The following PARP8 variants were observed in gnomAD, a reference collection of about 807,000 sequenced individuals.
PARP8 encodes the protein protein mono-ADP-ribosyltransferase PARP8.
In PARP8, 51 loss-of-function variants were observed where a neutral mutation model predicts 124.1. The ratio of observed to expected loss-of-function variants is 0.41; its 90% CI spans 0.33 to 0.52. PARP8 has a LOEUF of 0.52. Ranked by LOEUF, PARP8 falls within the 20% of genes least tolerant of loss-of-function variation. The pLI is 0.21. For missense variants in PARP8, 860 were observed against 1,018.9 expected, an observed-to-expected ratio of 0.84 and a Z score of 2.12; for synonymous variants, 391 against 361.5, an observed-to-expected ratio of 1.08 and a Z score of -0.93.
intron 25 of PARP8, among the ~76,000 whole-genome samples, chr5:50,836,180 A>G (rs1475032156): frequency 1.3e-5 from 2 of 152,184 alleles, no homozygotes; most frequent in African/African-American, 4.8e-5. Context: ...TGCTGACTAT[A>G]GATTTCTTTC....
At chr5:50,735,809 G>T (rs1225055803) in intron 2 of PARP8, among the ~76,000 whole-genome samples, 1 of 151,862 alleles carries the variant, frequency 6.6e-6, no homozygotes, top group African/African-American at 2.4e-5. Context: ...TTAAGTGGGG[G>T]TTGGTATAGG....
chr5:50,808,634 C>T (rs1244305084), intron 14 of PARP8, among the ~76,000 whole-genome samples: 2 of 151,908 alleles, frequency 1.3e-5, no homozygotes, highest in Non-Finnish European at 2.9e-5. Flanking sequence ...GGCTATGACA[C>T]GGAGCTGTGA....
chr5:50,703,017 T>C (rs905772701), intron 2 of PARP8, among the ~76,000 whole-genome samples: 3 of 152,064 alleles, frequency 2.0e-5, no homozygotes, highest in African/African-American at 4.8e-5. Context: ...AAAAGTGTTA[T>C]AGGCCAGGTG....
intron 14 of PARP8, among the ~76,000 whole-genome samples, chr5:50,809,603 G>T (rs548683551): frequency 6.6e-6 from 1 of 151,876 alleles, no homozygotes; most frequent in East Asian, 1.9e-4. Flanking sequence ...TATCTCACTT[G>T]GTATTTTTAT....
At chr5:50,764,289 T>C (rs889731746) in intron 7 of PARP8, among the ~76,000 whole-genome samples, 2 of 152,238 alleles carry the variant, frequency 1.3e-5, no homozygotes, top group African/African-American at 2.4e-5. Flanking sequence ...TAATTCTTCA[T>C]GTATTCTGGT....
At chr5:50,791,898 T>G (rs557239125) in intron 10 of PARP8, among the ~76,000 whole-genome samples, 109 of 152,306 alleles carry the variant, frequency 7.2e-4, no homozygotes, top group African/African-American at 2.6e-3. Flanking sequence ...GAAATTCAAA[T>G]TAATACCATT....
At chr5:50,710,446 G>T (rs911417428) in intron 2 of PARP8, among the ~76,000 whole-genome samples, 1 of 152,008 alleles carries the variant, frequency 6.6e-6, no homozygotes, top group Non-Finnish European at 1.5e-5. Context: ...GTAGTCACAT[G>T]CTTCATGCTT....
At chr5:50,742,088 G>T (rs1758108147) in intron 2 of PARP8, 1 of 240,074 alleles carries the variant, frequency 4.2e-6, no homozygotes, top group Non-Finnish European at 8.4e-6. Context: ...GGGATTACAG[G>T]CGTGAGCCAC....
rs896138989 is a variant in PARP8, at chr5:50,844,987, G to A, written c.*2919G>A. On this transcript the variant is annotated 3_prime_UTR_variant, in exon 26 of 26. Coordinates refer to ENST00000281631, the MANE Select transcript of PARP8 (RefSeq NM_024615.4). ...TCAGTCATACGTTTGGTTTGAAGCT[G>A]TTTTTTTTTTTAATTTGAAGTTTAA... is the stretch of plus-strand genomic sequence containing the variant. 6.9e-6 allele frequency: 1 copy of A among 144,182 alleles called. No homozygotes were observed. Among genetic ancestry groups the A allele is most frequent in the Admixed American group, 7.0e-5 (1 of 14,346 alleles). The allele number at this position is 144,182 out of a possible 1,614,324, so 8.9% of individuals were successfully genotyped here. A position where few individuals can be genotyped will look rare whatever the true frequency, so the allele number is the denominator to read the frequency against.
intron 14 of PARP8, among the ~76,000 whole-genome samples, chr5:50,809,633 T>G (rs1744219911): frequency 6.6e-6 from 1 of 152,088 alleles, no homozygotes; most frequent in Non-Finnish European, 1.5e-5. Context: ...AGCTAGATAT[T>G]ATTTTTATTC....
intron 2 of PARP8, among the ~76,000 whole-genome samples, chr5:50,734,992 T>C (rs1461204362): frequency 6.6e-6 from 1 of 152,134 alleles, no homozygotes; most frequent in Admixed American, 6.5e-5. Flanking sequence ...TATATAGTTA[T>C]AATATCTAGT....
chr5:50,678,679 A>G (rs546573333), intron 2 of PARP8, among the ~76,000 whole-genome samples: 15 of 152,194 alleles, frequency 9.9e-5, no homozygotes, highest in African/African-American at 3.4e-4. Flanking sequence ...ATGCAAAACT[A>G]CTCTTACCAG....
chr5:50,679,143 C>T (rs1157709804), intron 2 of PARP8, among the ~76,000 whole-genome samples: 1 of 151,978 alleles, frequency 6.6e-6, no homozygotes, highest in East Asian at 1.9e-4. Flanking sequence ...AAAAATCTAC[C>T]CTACATATAC....
rs778629407 is a variant in PARP8 at position 50,828,430 on chromosome 5, T to C, written c.2163+46T>C. 14 of 1,539,300 alleles carry C rather than the reference T, an allele frequency of 9.1e-6. No individual in the cohort carries two copies. The East Asian group carries it at 1.6e-4, about 17-fold the overall frequency. On this transcript the variant is annotated intron_variant, in intron 21 of 25. Coordinates refer to ENST00000281631, the MANE Select transcript of PARP8 (RefSeq NM_024615.4). Reference sequence around the variant, plus strand: ...CACAAGACTTCATTCTTCTTCAGAATTGAGATTCAGTAAGCAACCCTGTTG... The same window carrying C: ...CACAAGACTTCATTCTTCTTCAGAACTGAGATTCAGTAAGCAACCCTGTTG...
intron 21 of PARP8, among the ~76,000 whole-genome samples, 177 bp downstream of exon 21, chr5:50,828,561 AAC>A (rs1746596195): frequency 6.6e-6 from 1 of 152,068 alleles, no homozygotes; most frequent in Non-Finnish European, 1.5e-5. Context: ...CAATGATGTA[AAC>A]ACAAAATGGA....
At chr5:50,735,213 T>C (rs1757359985) in intron 2 of PARP8, among the ~76,000 whole-genome samples, 1 of 152,102 alleles carries the variant, frequency 6.6e-6, no homozygotes, top group East Asian at 1.9e-4. Context: ...AATATTGACA[T>C]TTCAAGACTT....
intron 7 of PARP8, among the ~76,000 whole-genome samples, chr5:50,764,953 C>CT (rs200274021): frequency 7.3e-5 from 11 of 150,900 alleles, no homozygotes; most frequent in East Asian, 1.9e-4. Context: ...ACTTCAACTT[C>CT]TTTTTTTTTG....
intron 25 of PARP8, among the ~76,000 whole-genome samples, chr5:50,838,231 GAGCTGT>G (rs1034705385): frequency 1.3e-5 from 2 of 151,972 alleles, no homozygotes; most frequent in African/African-American, 4.8e-5. Flanking sequence ...CTCGAAACCT[GAGCTGT>G]AGTTTTCCAT....
intron 25 of PARP8, among the ~76,000 whole-genome samples, chr5:50,838,070 A>G (rs1747783880): frequency 6.6e-6 from 1 of 152,114 alleles, no homozygotes; most frequent in South Asian, 2.1e-4. Context: ...GAATGAATAA[A>G]ATGCTCACGT....
Sources: gnomAD v4.1 joint callset for allele counts (sites outside exome capture counted in the v4.1 genomes callset) on GRCh38, gnomAD v4.1.1 for gene constraint, MANE v1.5 for transcripts, NCBI Gene and HGNC (gene_info 2026-07-23, HGNC 2026-07-21) for gene names.